CYP4F12: variants seen among roughly 807,000 people sequenced by gnomAD.
CYP4F12 encodes the protein cytochrome P450 4F12.
CYP4F12 carries 60 observed loss-of-function variants against 56.5 expected under a neutral mutation model. The ratio of observed to expected loss-of-function variants is 1.06; its 90% confidence interval spans 0.86 to 1.32. The LOEUF (loss-of-function observed/expected upper bound fraction) is 1.32. Ranked by LOEUF, CYP4F12 falls within the 40% of genes most tolerant of loss-of-function variation. CYP4F12 has a pLI of 0.00. For synonymous variants in CYP4F12, 263 were observed against 264.9 expected (o/e 0.99, Z 0.07); for missense variants, 711 against 683.5 (o/e 1.04, Z -0.45).
In CYP4F12 at chr19:15,673,704, T is replaced by C; in HGVS notation, c.175T>C (p.Trp59Arg). 2 of 1,614,102 alleles carry C rather than the reference T, an allele frequency of 1.2e-6. No individual in the cohort carries two copies. The highest frequency in any genetic ancestry group is 1.7e-5 in the Admixed American group (1 of 60,020). Residue 59 changes from tryptophan (W) to arginine (R), a missense_variant, in exon 2 of 13, where the codon TGG becomes CGG. Coordinates refer to ENST00000550308, the MANE Select transcript of CYP4F12 (RefSeq NM_023944.4). ...QCFPQPPKRN[W>R]FWGHLGLITP... is the part of the protein sequence containing the mutation. ...TTTCCCACAGCCCCCAAAACGGAAC[T>C]GGTTTTGGGGTCACCTGGGCCTGGT...
rs1236418624 is a variant in CYP4F12 at position 15,675,770 on chromosome 19, G to A, written c.198+2043G>A. 2.0e-5 allele frequency among the ~76,000 whole-genome samples: 3 copies of A among 152,178 alleles called. No individual in the cohort carries two copies. The East Asian group carries it at 5.8e-4, about 29-fold the overall frequency. On this transcript the variant is annotated intron_variant, in intron 2 of 12. Coordinates refer to ENST00000550308, the MANE Select transcript of CYP4F12 (RefSeq NM_023944.4). ...TCACTGCAGAGGCTGCACCACATCCGGTGGCTGTGGGGGGACTTGCTGTGG... is the reference window on the plus strand; with the variant it reads ...TCACTGCAGAGGCTGCACCACATCCAGTGGCTGTGGGGGGACTTGCTGTGG...
In CYP4F12 at chr19:15,696,521, G is replaced by A. The variant is rs112002618; in HGVS notation, c.1397+9G>A. 2,813 of 1,611,140 alleles carry A rather than the reference G, an allele frequency of 1.7e-3. 46 individuals carry two copies. The African/African-American group carries it at 0.031, about 18-fold the overall frequency. On this transcript the variant is annotated intron_variant, in intron 12 of 12. Coordinates refer to ENST00000550308, the MANE Select transcript of CYP4F12 (RefSeq NM_023944.4). ...TTCTCCGCAGGGCCCAGGTAAGAGC[G>A]CCCTGTGTCTGAGGCAGGGATGGGA...
intron 10 of CYP4F12, 38 bp from the exon 11 acceptor site, chr19:15,696,122 AG>A: frequency 6.2e-7 from 1 of 1,611,666 alleles, no homozygotes; most frequent in Non-Finnish European, 8.5e-7. Flanking sequence ...TGGTTCCCTC[AG>A]GGGATCCTTG....
At chr19:15,695,340 C>G (rs2008070874) in intron 9 of CYP4F12, among the ~76,000 whole-genome samples, 1 of 116,566 alleles carries the variant, frequency 8.6e-6, no homozygotes, top group African/African-American at 3.5e-5. Context: ...ACATCACACT[C>G]TGGGGACTGT....
At chr19:15,677,538 T>A (rs2007021399) in intron 2 of CYP4F12, among the ~76,000 whole-genome samples, 2 of 61,790 alleles carry the variant, frequency 3.2e-5, no homozygotes, top group Non-Finnish European at 3.2e-5. Flanking sequence ...CTCTCCTCAC[T>A]CGCTCATTCC....
Position 15,696,595 on chromosome 19 carries a change from T to C in CYP4F12, c.1397+83T>C, listed in dbSNP as rs1474855427. On this transcript the variant is annotated intron_variant, in intron 12 of 12. Coordinates refer to ENST00000550308, the MANE Select transcript of CYP4F12 (RefSeq NM_023944.4). ...AGGGGGACGTTGCAGATGGTCCCAG[T>C]TCCAGCTCTCCTTCCCTCCATTCCT... 4.1e-6 allele frequency: 6 copies of C among 1,454,424 alleles called. No individual in the cohort carries two copies. In the East Asian group the frequency reaches 6.8e-5, roughly 17 times the overall value. 90.1% of individuals were successfully genotyped at this position (1,454,424 alleles called of 1,614,324 possible).
rs138122820 is a variant in CYP4F12 at position 15,687,238 on chromosome 19, T to C, written c.1115+2041T>C. ...CTTGCAGTGAGCTGAGATGGCACCA[T>C]TGCACTCCAGCCTGGGCAACAGAGT... On this transcript the variant is annotated intron_variant, in intron 9 of 12. Coordinates refer to ENST00000550308, the MANE Select transcript of CYP4F12 (RefSeq NM_023944.4). 6.4e-3 allele frequency among the ~76,000 whole-genome samples: 964 copies of C among 150,448 alleles called. 9 individuals carry two copies. Among genetic ancestry groups the C allele is most frequent in the African/African-American group, 0.022 (905 of 40,818 alleles).
chr19:15,678,561 C>A, intron 3 of CYP4F12, 156 bp downstream of exon 3: 3 of 1,011,008 alleles, frequency 3.0e-6, no homozygotes, highest in Non-Finnish European at 2.9e-6. Flanking sequence ...TCTTGGTGTT[C>A]TGGGCACCAC....
intron 5 of CYP4F12, 136 bp from the exon 6 acceptor site, chr19:15,682,253 G>A: frequency 2.4e-6 from 3 of 1,254,442 alleles, no homozygotes; most frequent in Non-Finnish European, 3.3e-6. Context: ...TCCCAGTCTG[G>A]TCCTCGCTGG....
chr19:15,681,643 C>T (rs974360763), intron 5 of CYP4F12: 1 of 152,158 alleles, frequency 6.6e-6, no homozygotes, highest in Admixed American at 6.5e-5. Flanking sequence ...CAGAAACAAG[C>T]CTGATATTGG....
At chr19:15,689,428 A>G (rs7250553) in intron 9 of CYP4F12, among the ~76,000 whole-genome samples, 44,226 of 151,994 alleles carry the variant, frequency 0.29, 7,139 homozygotes, top group African/African-American at 0.42. Flanking sequence ...TTGTTTCTAC[A>G]AGAATGGCCA....
Position 15,683,658 on chromosome 19 carries a change from C to T in CYP4F12, c.813C>T (p.Ile271=). The stretch of plus-strand genomic sequence containing the variant: ...TGCATGACTTCACAGACGCTGTCAT[C>T]CGGGAGCGGCGTCGCACCCTCCCCA... ...RLVHDFTDAV[I]RERRRTLPTQ... is the part of the protein sequence containing the mutation. The change falls in exon 7 of 13, where the codon ATC becomes ATT. Residue 271 remains isoleucine, a synonymous_variant. Transcript: ENST00000550308. The T allele has an allele frequency of 5.0e-6, 8 of 1,613,928 alleles. No individual in the cohort carries two copies. Among genetic ancestry groups the T allele is most frequent in the Non-Finnish European group, 5.9e-6 (7 of 1,179,922 alleles).
At position 15,684,756 on chromosome 19, in the gene CYP4F12, T is replaced by G. The variant is rs1428198293; in HGVS notation, c.919-60T>G. On this transcript the variant is annotated intron_variant, in intron 7 of 12. Transcript: ENST00000550308. ...TCCGGAGTCTCAGAGATAGTATAAT[T>G]TGTGTGTGTGTGTGTGTGTGTGTGT... 1.7e-5 allele frequency: 18 copies of G among 1,042,940 alleles called. No individual in the cohort carries two copies. The South Asian group carries it at 2.0e-4, about 12-fold the overall frequency. 64.6% of individuals were successfully genotyped at this position (1,042,940 alleles called of 1,614,324 possible).
At chr19:15,689,706 G>A (rs1466001575) in intron 9 of CYP4F12, among the ~76,000 whole-genome samples, 3 of 152,188 alleles carry the variant, frequency 2.0e-5, no homozygotes, top group Admixed American at 6.5e-5. Flanking sequence ...CAACCTAACT[G>A]CCCATTGACC....
At chr19:15,688,367 CAA>C (rs57886955) in intron 9 of CYP4F12, among the ~76,000 whole-genome samples, 3,753 of 146,662 alleles carry the variant, frequency 0.026, 50 homozygotes, top group Middle Eastern at 0.039. Context: ...AAAACAGTTG[CAA>C]AAAAAAAAAA....
At chr19:15,673,482 C>A in intron 1 of CYP4F12, 47 bp from the exon 2 acceptor site, 1 of 1,577,386 alleles carries the variant, frequency 6.3e-7, no homozygotes, top group Non-Finnish European at 8.6e-7. Flanking sequence ...CCCCGGAGCT[C>A]TTCCCTGGGC....
Position 15,688,373 on chromosome 19 carries a change from A to G in CYP4F12, c.1115+3176A>G, listed in dbSNP as rs972997244. 2.5e-3 allele frequency among the ~76,000 whole-genome samples: 381 copies of G among 152,222 alleles called. 8 individuals are homozygous for G. The highest frequency in any genetic ancestry group is 9.1e-4 in the Non-Finnish European group (62 of 68,008). ...ACAAACAAAAAAACAGTTGCAAAAA[A>G]AAAAAAATACCTAGGAATATACTTA... is the stretch of plus-strand genomic sequence containing the variant. On this transcript the variant is annotated intron_variant, in intron 9 of 12. Transcript: ENST00000550308.
Position 15,683,619 on chromosome 19 carries a change from G to A in CYP4F12, c.774G>A (p.Arg258=). ...YLSHDGRRFH[R]ACRLVHDFTD... ...CCCATGACGGGCGGCGCTTCCACAG[G>A]GCCTGCCGCCTGGTGCATGACTTCA... is the stretch of plus-strand genomic sequence containing the variant. Residue 258 remains arginine, a synonymous_variant, in exon 7 of 13, where the codon AGG becomes AGA. Transcript: ENST00000550308. 1 of 1,614,136 alleles carries A rather than the reference G, an allele frequency of 6.2e-7. No individual in the cohort carries two copies. Among genetic ancestry groups the A allele is most frequent in the Non-Finnish European group, 8.5e-7 (1 of 1,180,030 alleles).
chr19:15,685,907 G>T (rs759565324), intron 9 of CYP4F12, among the ~76,000 whole-genome samples: 1 of 152,172 alleles, frequency 6.6e-6, no homozygotes, highest in African/African-American at 2.4e-5. Flanking sequence ...TCTATCTTTT[G>T]TCTAGAACAC....
Sources: allele counts gnomAD v4.1 joint callset (sites outside exome capture counted in the v4.1 genomes callset), GRCh38; gene constraint gnomAD v4.1.1; transcripts MANE v1.5; gene names NCBI Gene and HGNC (gene_info 2026-07-23, HGNC 2026-07-21).